EXT2: variants seen among roughly 807,000 people sequenced by gnomAD.
EXT2 encodes the protein exostosin-2.
Under a neutral mutation model 81.6 loss-of-function variants are expected in EXT2, and 53 were observed. The ratio of observed to expected loss-of-function variants is 0.65; its 90% CI spans 0.52 to 0.82. EXT2 has a LOEUF of 0.82. Among genes scored for constraint, EXT2 ranks in the 40% least tolerant of loss-of-function variants. The pLI is 0.00. For missense variants in EXT2, 774 were observed against 910.2 expected, an observed-to-expected ratio of 0.85 and a Z score of 1.93; for synonymous variants, 320 against 340.0, an observed-to-expected ratio of 0.94 and a Z score of 0.65.
At chr11:44,132,947 G>A (rs1565206841) in intron 7 of EXT2, among the ~76,000 whole-genome samples, 1 of 152,102 alleles carries the variant, frequency 6.6e-6, no homozygotes, top group Non-Finnish European at 1.5e-5. Flanking sequence ...TTAGATATGA[G>A]ATTATCTGGT....
chr11:44,131,078 C>G (rs1954486139), intron 7 of EXT2, among the ~76,000 whole-genome samples: 1 of 152,228 alleles, frequency 6.6e-6, no homozygotes, highest in South Asian at 2.1e-4. Context: ...TTGAACCCCA[C>G]TCTTCCCCTG....
chr11:44,124,397 A>G (rs1329681826), intron 4 of EXT2, among the ~76,000 whole-genome samples: 1 of 151,098 alleles, frequency 6.6e-6, no homozygotes, highest in Non-Finnish European at 1.5e-5. Context: ...CTCAGATGTA[A>G]CTAAGACAAC....
intron 10 of EXT2, among the ~76,000 whole-genome samples, chr11:44,226,284 G>T (rs944213359): frequency 9.9e-5 from 15 of 152,278 alleles, no homozygotes; most frequent in Non-Finnish European, 2.1e-4. Flanking sequence ...TCCTGCCTGG[G>T]GTTGGGAAGG....
At chr11:44,182,642 T>C (rs951004760) in intron 8 of EXT2, among the ~76,000 whole-genome samples, 6 of 152,200 alleles carry the variant, frequency 3.9e-5, no homozygotes, top group Non-Finnish European at 8.8e-5. Context: ...GCTTTATTCC[T>C]TTTTCTCTGG....
chr11:44,155,032 C>A (rs767165450), intron 7 of EXT2, among the ~76,000 whole-genome samples: 3 of 151,980 alleles, frequency 2.0e-5, no homozygotes, highest in Non-Finnish European at 4.4e-5. Context: ...GGATTGTTTG[C>A]AGATATTTTC....
intron 10 of EXT2, among the ~76,000 whole-genome samples, chr11:44,219,083 G>A (rs148888226): frequency 1.4e-4 from 22 of 152,172 alleles, no homozygotes; most frequent in African/African-American, 4.8e-4. Context: ...CTACAGGTGT[G>A]AGCCACTGCA....
At chr11:44,239,286 G>C (rs879544050) in intron 13 of EXT2, among the ~76,000 whole-genome samples, 1 of 152,078 alleles carries the variant, frequency 6.6e-6, no homozygotes, top group Non-Finnish European at 1.5e-5. Flanking sequence ...AGAGTGAACT[G>C]CTGGACCTCA....
At chr11:44,161,486 T>C (rs1248019446) in intron 7 of EXT2, among the ~76,000 whole-genome samples, 7 of 151,696 alleles carry the variant, frequency 4.6e-5, no homozygotes, top group Non-Finnish European at 1.0e-4. Context: ...GTCTGGGCAA[T>C]GGAGCAAGAC....
chr11:44,247,319 G>A lies in EXT2; in HGVS notation c.*3032G>A, dbSNP rs1035999988. On this transcript the variant is annotated 3_prime_UTR_variant, in exon 14 of 14. Coordinates refer to ENST00000533608, the MANE Select transcript of EXT2 (RefSeq NM_207122.2). The stretch of plus-strand genomic sequence containing the variant: ...TGGAGTGCAACAATAGCATGGTCTC[G>A]GCTCACTACATCCTCCGCCTCCCAG... Among the ~76,000 whole-genome samples the A allele has an allele frequency of 3.6e-5, 5 of 138,326 alleles. No individual in the cohort carries two copies. The highest frequency in any genetic ancestry group is 6.0e-5 in the Non-Finnish European group (4 of 66,448). 90.7% of individuals were successfully genotyped at this position (138,326 alleles called of 152,430 possible). A position where few individuals can be genotyped will look rare whatever the true frequency, so the allele number is the denominator to read the frequency against.
chr11:44,244,345 C>T lies in EXT2; in HGVS notation c.*58C>T, dbSNP rs995515994. The T allele has an allele frequency of 1.3e-6, 2 of 1,582,858 alleles. No homozygotes were observed. The highest frequency in any genetic ancestry group is 1.3e-5 in the African/African-American group (1 of 74,290). On this transcript the variant is annotated 3_prime_UTR_variant, in exon 14 of 14. Coordinates refer to ENST00000533608, the MANE Select transcript of EXT2 (RefSeq NM_207122.2). ...CTGGGACAGAGGGAGAGAACAAGGC[C>T]TCCCAGCACTCTGATGTCAGAGTAG...
rs146589197 is a variant in EXT2 at position 44,126,416 on chromosome 11, A to G, written c.940-400A>G. ...TGAAATTCCCAGACAAAATAATTCC[A>G]TTACAAGGTAGGCTGAGGTAAGTAC... is the stretch of plus-strand genomic sequence containing the variant. On this transcript the variant is annotated intron_variant, in intron 5 of 13. Coordinates refer to ENST00000533608, the MANE Select transcript of EXT2 (RefSeq NM_207122.2). 1.1e-3 allele frequency among the ~76,000 whole-genome samples: 173 copies of G among 152,314 alleles called. 1 individual carries two copies. The highest frequency in any genetic ancestry group is 2.1e-3 in the South Asian group (10 of 4,828).
chr11:44,236,158 GGTGTGT>G, intron 12 of EXT2, 129 bp from the exon 13 acceptor site: 7 of 709,702 alleles, frequency 9.9e-6, no homozygotes, highest in Middle Eastern at 2.4e-4. Flanking sequence ...GGAATGGCGA[GGTGTGT>G]GTGTGTGTGT....
intron 3 of EXT2, 152 bp from the exon 4 acceptor site, chr11:44,114,033 C>G (rs1954183876): frequency 1.4e-6 from 1 of 732,416 alleles, no homozygotes; most frequent in East Asian, 2.6e-5. Flanking sequence ...CCCCGAGATG[C>G]GTGTATAAGG....
intron 7 of EXT2, among the ~76,000 whole-genome samples, chr11:44,161,879 C>T (rs892932976): frequency 2.6e-5 from 4 of 152,138 alleles, no homozygotes; most frequent in African/African-American, 9.7e-5. Flanking sequence ...TAGAAAACAT[C>T]GGATAAACCC....
chr11:44,123,228 C>T lies in EXT2; in HGVS notation c.744-1561C>T, dbSNP rs78682573. On this transcript the variant is annotated intron_variant, in intron 4 of 13. Coordinates refer to ENST00000533608, the MANE Select transcript of EXT2 (RefSeq NM_207122.2). ...TATAATTATTGAGTGAGATGCTCCCCGGCTAGAACTTCCAAACAAGTCTGA... is the reference window on the plus strand; with the variant it reads ...TATAATTATTGAGTGAGATGCTCCCTGGCTAGAACTTCCAAACAAGTCTGA... Among the ~76,000 whole-genome samples the T allele has an allele frequency of 3.0e-3, 455 of 152,238 alleles. 15 individuals carry two copies. The East Asian group carries it at 0.08, about 27-fold the overall frequency.
At chr11:44,170,680 A>G (rs1955058221) in intron 7 of EXT2, among the ~76,000 whole-genome samples, 1 of 152,224 alleles carries the variant, frequency 6.6e-6, no homozygotes, top group African/African-American at 2.4e-5. Flanking sequence ...ATTTCAATAA[A>G]TTTAACAATT....
chr11:44,186,510 G>A (rs1055285858), intron 8 of EXT2, among the ~76,000 whole-genome samples: 4 of 152,208 alleles, frequency 2.6e-5, no homozygotes, highest in African/African-American at 9.6e-5. Context: ...AGCAATCAGT[G>A]GCAACCTTTC....
Position 44,244,781 on chromosome 11 carries a change from G to A in EXT2, c.*494G>A. 3.9e-6 allele frequency: 1 copy of A among 256,872 alleles called. No homozygotes were observed. Among genetic ancestry groups the A allele is most frequent in the Non-Finnish European group, 7.6e-6 (1 of 131,492 alleles). The allele number at this position is 256,872 out of a possible 1,614,324, so 15.9% of individuals were successfully genotyped here. A position where few individuals can be genotyped will look rare whatever the true frequency, so the allele number is the denominator to read the frequency against. On this transcript the variant is annotated 3_prime_UTR_variant, in exon 14 of 14. Coordinates refer to ENST00000533608, the MANE Select transcript of EXT2 (RefSeq NM_207122.2). ...ATTCGGTGCAAAAGCCAAACATCTT[G>A]GTGGGATTTGATAAATGCCTTGGGA...
chr11:44,126,687 A>AT, intron 5 of EXT2, 129 bp from the exon 6 acceptor site: 1 of 1,146,026 alleles, frequency 8.7e-7, no homozygotes, highest in South Asian at 1.2e-5. Flanking sequence ...GTCTTTTGGC[A>AT]TTTTTGTGTC....
Sources: gnomAD v4.1 joint callset for allele counts (sites outside exome capture counted in the v4.1 genomes callset) on GRCh38, gnomAD v4.1.1 for gene constraint, MANE v1.5 for transcripts, NCBI Gene and HGNC (gene_info 2026-07-23, HGNC 2026-07-21) for gene names.